The following ARID5B variants were observed in gnomAD, a reference collection of about 807,000 sequenced individuals.
ARID5B encodes AT-rich interaction domain 5B, also known as AT-rich interactive domain-containing protein 5B.
Under a neutral mutation model 97.2 loss-of-function variants are expected in ARID5B, and 13 were observed. That is an observed-to-expected ratio of 0.13 (90% CI 0.09 to 0.21). The LOEUF is 0.21. ARID5B is among the 10% of genes least tolerant of loss of function. The probability of loss-of-function intolerance (pLI) is 1.00; values close to 1 mark genes in which losing one functional copy is unlikely to be tolerated. For missense variants in ARID5B, 1,210 were observed against 1,465.3 expected (o/e 0.83, Z 2.84); for synonymous variants, 556 against 570.3 (o/e 0.97, Z 0.36).
chr10:62,089,528 C>CTT (rs34423923), intron 9 of ARID5B, among the ~76,000 whole-genome samples: 11 of 101,538 alleles, frequency 1.1e-4, no homozygotes, highest in South Asian at 3.0e-4. Context: ...CCTTCTTTTT[C>CTT]TTTTTTTTTT....
chr10:61,996,250 C>A (rs1377299166), intron 3 of ARID5B, among the ~76,000 whole-genome samples: 1 of 152,122 alleles, frequency 6.6e-6, no homozygotes, highest in Non-Finnish European at 1.5e-5. Flanking sequence ...TGGCTTCCAA[C>A]TGGCTGAATT....
chr10:61,911,818 C>G (rs779584535), intron 2 of ARID5B, among the ~76,000 whole-genome samples: 3 of 152,168 alleles, frequency 2.0e-5, no homozygotes, highest in Admixed American at 6.5e-5. Flanking sequence ...TGGCTCACTT[C>G]CATGCTCCTT....
chr10:61,906,524 G>C (rs568972938), intron 2 of ARID5B, among the ~76,000 whole-genome samples: 28 of 152,334 alleles, frequency 1.8e-4, no homozygotes, highest in African/African-American at 6.7e-4. Context: ...AGCCTGACCA[G>C]CCATCGCTGG....
chr10:61,947,033 C>T (rs898284899), intron 3 of ARID5B, among the ~76,000 whole-genome samples: 1 of 152,180 alleles, frequency 6.6e-6, no homozygotes, highest in Non-Finnish European at 1.5e-5. Flanking sequence ...AGGATTTTCT[C>T]TCTGACAATA....
At chr10:61,908,348 G>T (rs988370271) in intron 2 of ARID5B, among the ~76,000 whole-genome samples, 3 of 152,174 alleles carry the variant, frequency 2.0e-5, no homozygotes, top group Non-Finnish European at 4.4e-5. Context: ...AAATGTAAAA[G>T]CAATATGAGT....
intron 3 of ARID5B, among the ~76,000 whole-genome samples, chr10:61,984,628 C>T (rs1158202999): frequency 6.6e-6 from 1 of 152,204 alleles, no homozygotes; most frequent in African/African-American, 2.4e-5. Context: ...AACAATCCTC[C>T]AATATATCCT....
At chr10:61,916,679 G>A (rs1348070996) in intron 2 of ARID5B, among the ~76,000 whole-genome samples, 4 of 152,152 alleles carry the variant, frequency 2.6e-5, no homozygotes, top group African/African-American at 4.8e-5. Flanking sequence ...ATTCCAAAAT[G>A]CAGGTGACAG....
intron 3 of ARID5B, among the ~76,000 whole-genome samples, chr10:61,984,489 T>C (rs1838819748): frequency 1.3e-5 from 2 of 152,228 alleles, no homozygotes; most frequent in African/African-American, 4.8e-5. Flanking sequence ...TGAAGAGACT[T>C]CATCTGGACA....
intron 7 of ARID5B, among the ~76,000 whole-genome samples, chr10:62,064,886 G>A (rs1038835745): frequency 3.3e-5 from 5 of 152,086 alleles, no homozygotes; most frequent in Non-Finnish European, 1.5e-5. Flanking sequence ...TGATTCTTCT[G>A]CCTCAGCCTC....
At chr10:61,903,982 T>A (rs956002) in intron 2 of ARID5B, among the ~76,000 whole-genome samples, 2 of 148,926 alleles carry the variant, frequency 1.3e-5, no homozygotes, top group Non-Finnish European at 3.0e-5. Flanking sequence ...TGTTTGGAAA[T>A]ACTGTGAAAA....
intron 3 of ARID5B, among the ~76,000 whole-genome samples, chr10:61,952,895 A>C (rs1277146639): frequency 1.3e-5 from 2 of 152,100 alleles, no homozygotes; most frequent in Non-Finnish European, 2.9e-5. Context: ...TAATAGTGGT[A>C]CATATTAATG....
rs536849733 is a variant in ARID5B, at chr10:62,081,055, C to T, written c.1200-4647C>T. 7.2e-5 allele frequency among the ~76,000 whole-genome samples: 11 copies of T among 152,156 alleles called. No homozygotes were observed. The East Asian group carries it at 1.7e-3, about 24-fold the overall frequency. ...TGACCCCAAGTGATCCGACTGCCTC[C>T]GCCTGCCAAAGTGCTGGGATTACAG... On this transcript the variant is annotated intron_variant, in intron 8 of 9. Coordinates refer to ENST00000279873, the MANE Select transcript of ARID5B (RefSeq NM_032199.3).
intron 4 of ARID5B, among the ~76,000 whole-genome samples, chr10:62,027,212 A>G (rs1046690095): frequency 1.4e-5 from 2 of 146,310 alleles, no homozygotes; most frequent in Non-Finnish European, 3.0e-5. Flanking sequence ...GCCTCCTTGA[A>G]TCTGTCCAAC....
At chr10:62,019,443 C>CT (rs1839326350) in intron 4 of ARID5B, among the ~76,000 whole-genome samples, 2 of 152,154 alleles carry the variant, frequency 1.3e-5, no homozygotes, top group African/African-American at 4.8e-5. Context: ...TATAGGACTC[C>CT]TTTAACTTTT....
intron 5 of ARID5B, among the ~76,000 whole-genome samples, chr10:62,054,857 G>A (rs1350787139): frequency 6.6e-6 from 1 of 152,108 alleles, no homozygotes; most frequent in African/African-American, 2.4e-5. Context: ...TAAACCCAGA[G>A]GTCTGCCCCT....
chr10:62,050,704 A>C (rs1030381263), intron 4 of ARID5B, among the ~76,000 whole-genome samples, 184 bp from the exon 5 acceptor site: 1 of 152,200 alleles, frequency 6.6e-6, no homozygotes, highest in Non-Finnish European at 1.5e-5. Flanking sequence ...GTGTACAGAA[A>C]TGTATACTCT....
At chr10:62,048,648 A>C (rs1046206999) in intron 4 of ARID5B, among the ~76,000 whole-genome samples, 1 of 152,234 alleles carries the variant, frequency 6.6e-6, no homozygotes, top group African/African-American at 2.4e-5. Flanking sequence ...CTGGGTTCTG[A>C]AAACAGCTCA....
intron 3 of ARID5B, among the ~76,000 whole-genome samples, chr10:61,971,567 G>C (rs1263516147): frequency 6.6e-6 from 1 of 152,228 alleles, no homozygotes; most frequent in African/African-American, 2.4e-5. Context: ...ATTAGATATT[G>C]CCATGGTGGA....
intron 4 of ARID5B, among the ~76,000 whole-genome samples, chr10:62,017,086 A>G (rs1317896428): frequency 2.0e-5 from 3 of 152,212 alleles, no homozygotes; most frequent in Non-Finnish European, 2.9e-5. Context: ...GGAAGTAGTG[A>G]TTAATGCATA....
Sources: gnomAD v4.1 joint callset for allele counts (sites outside exome capture counted in the v4.1 genomes callset) on GRCh38, gnomAD v4.1.1 for gene constraint, MANE v1.5 for transcripts, NCBI Gene and HGNC (gene_info 2026-07-23, HGNC 2026-07-21) for gene names.